ROBO2: variants seen among roughly 807,000 people sequenced by gnomAD.
ROBO2 encodes roundabout guidance receptor 2.
Under a neutral mutation model 160.8 loss-of-function variants are expected in ROBO2, and 53 were observed. That is an observed-to-expected ratio of 0.33 (90% CI 0.26 to 0.41). The LOEUF (loss-of-function observed/expected upper bound fraction) is 0.41. ROBO2 is among the 10% of genes least tolerant of loss of function. The pLI is 1.00. For missense variants in ROBO2, 1,577 were observed against 1,722.4 expected, an observed-to-expected ratio of 0.92 and a Z score of 1.49; for synonymous variants, 664 against 611.7, an observed-to-expected ratio of 1.09 and a Z score of -1.26.
At chr3:77,396,396 A>G (rs1179880724) in intron 2 of ROBO2, among the ~76,000 whole-genome samples, 1 of 152,128 alleles carries the variant, frequency 6.6e-6, no homozygotes, top group Non-Finnish European at 1.5e-5. Context: ...CATTCTAATC[A>G]CCTTGCAATC....
At chr3:76,532,379 C>T (rs2108073594) in intron 2 of ROBO2, among the ~76,000 whole-genome samples, 1 of 152,300 alleles carries the variant, frequency 6.6e-6, no homozygotes, top group South Asian at 2.1e-4. Flanking sequence ...GGAGGTTGCC[C>T]TGGTAATCTG....
chr3:77,120,478 G>A (rs180973477), intron 2 of ROBO2, among the ~76,000 whole-genome samples: 109 of 152,286 alleles, frequency 7.2e-4, no homozygotes, highest in African/African-American at 2.5e-3. Flanking sequence ...TAAGTTAATA[G>A]TTGTAAGTTG....
chr3:77,595,251 A>G (rs2153687658), intron 18 of ROBO2, 67 bp downstream of exon 19: 2 of 1,183,004 alleles, frequency 1.7e-6, no homozygotes, highest in Non-Finnish European at 2.5e-6. Context: ...CTCTATAGTA[A>G]GAGCCTATTA....
At chr3:77,047,537 A>G (rs2064801672) in intron 1 of ROBO2, among the ~76,000 whole-genome samples, 1 of 151,410 alleles carries the variant, frequency 6.6e-6, no homozygotes. Context: ...AAAAATACAA[A>G]AATTGGCTGA....
chr3:76,851,989 TAC>T (rs1029606519), intron 2 of ROBO2, among the ~76,000 whole-genome samples: 2 of 151,962 alleles, frequency 1.3e-5, no homozygotes, highest in African/African-American at 2.4e-5. Flanking sequence ...AAAGAAAAAC[TAC>T]AGAGTAAAAG....
chr3:76,445,823 C>T (rs1347046629), intron 2 of ROBO2, among the ~76,000 whole-genome samples: 3 of 152,092 alleles, frequency 2.0e-5, no homozygotes, highest in African/African-American at 7.2e-5. Flanking sequence ...GAAAAGGCCT[C>T]TGACAAAATT....
At chr3:76,214,857 C>A (rs190501870) in intron 2 of ROBO2, among the ~76,000 whole-genome samples, 16 of 152,318 alleles carry the variant, frequency 1.1e-4, no homozygotes, top group African/African-American at 3.8e-4. Flanking sequence ...AACGGGCAGA[C>A]TGCCTCCTCA....
At chr3:76,871,059 T>G (rs2148676487) in intron 2 of ROBO2, among the ~76,000 whole-genome samples, 1 of 152,338 alleles carries the variant, frequency 6.6e-6, no homozygotes, top group East Asian at 1.9e-4. Context: ...GTTCTTGGAC[T>G]TGAAATTATA....
chr3:77,041,545 A>G (rs563226380), intron 1 of ROBO2, among the ~76,000 whole-genome samples: 6 of 152,308 alleles, frequency 3.9e-5, no homozygotes, highest in African/African-American at 1.2e-4. Flanking sequence ...TGTCAAGCCC[A>G]CAGCATTCTG....
intron 2 of ROBO2, among the ~76,000 whole-genome samples, chr3:77,174,058 G>A (rs568304873): frequency 1.3e-5 from 2 of 152,018 alleles, no homozygotes; most frequent in East Asian, 1.9e-4. Context: ...AATTCTCACC[G>A]TTGCTTTCCT....
At chr3:76,872,499 T>C (rs9847889) in intron 2 of ROBO2, among the ~76,000 whole-genome samples, 4,233 of 152,068 alleles carry the variant, frequency 0.028, 191 homozygotes, top group African/African-American at 0.097. Flanking sequence ...AAGAGATACA[T>C]AAAGTGCTCA....
rs926209209 is a variant in ROBO2, at chr3:77,109,838, G to A, written c.388+11498G>A. Among the ~76,000 whole-genome samples the A allele has an allele frequency of 1.4e-4, 21 of 152,120 alleles. 1 individual carries two copies. The highest frequency in any genetic ancestry group is 4.6e-4 in the African/African-American group (19 of 41,418). ...CATCCTCACTGATTTACTTGAACAA[G>A]CAAACAAAATCATTTGACACTTAAA... On this transcript the variant is annotated intron_variant, in intron 2 of 25. Transcript: ENST00000461745.
chr3:76,008,679 T>C (rs1389407492), intron 2 of ROBO2, among the ~76,000 whole-genome samples: 1 of 152,122 alleles, frequency 6.6e-6, no homozygotes, highest in Admixed American at 6.5e-5. Flanking sequence ...TGAATACCTA[T>C]TGTAAGAAGT....
chr3:77,259,152 C>A (rs1480580734), intron 2 of ROBO2, among the ~76,000 whole-genome samples: 1 of 152,214 alleles, frequency 6.6e-6, no homozygotes, highest in Non-Finnish European at 1.5e-5. Context: ...CAGAAAATTA[C>A]CTTCTGCTAT....
chr3:77,167,476 G>A (rs1042618659), intron 2 of ROBO2, among the ~76,000 whole-genome samples: 2 of 152,090 alleles, frequency 1.3e-5, no homozygotes, highest in Non-Finnish European at 2.9e-5. Flanking sequence ...TTTATCTGTT[G>A]CATCCTTTAT....
At chr3:76,653,059 G>T (rs1364174899) in intron 2 of ROBO2, among the ~76,000 whole-genome samples, 1 of 151,932 alleles carries the variant, frequency 6.6e-6, no homozygotes, top group Non-Finnish European at 1.5e-5. Context: ...TGATTCTAAT[G>T]ACACCATTTT....
chr3:76,397,492 A>T (rs950944091), intron 2 of ROBO2, among the ~76,000 whole-genome samples: 1 of 152,024 alleles, frequency 6.6e-6, no homozygotes, highest in Non-Finnish European at 1.5e-5. Flanking sequence ...ATTAAACTAA[A>T]GAGCTTCTGC....
At position 76,634,131 on chromosome 3, in the gene ROBO2, G is replaced by A. The variant is rs80020589; in HGVS notation, c.110-463883G>A. On this transcript the variant is annotated intron_variant, in intron 2 of 26. Transcript: ENST00000487694. ...TTTTCTCACAGTTCAGCAAGCTAGC[G>A]AGCAAAAAATCAAGGTTGAATTTCT... Among the ~76,000 whole-genome samples the A allele has an allele frequency of 8.7e-3, 1,323 of 152,224 alleles. 15 individuals carry two copies. The highest frequency in any genetic ancestry group is 0.03 in the African/African-American group (1,247 of 41,542).
chr3:76,545,890 T>C (rs2083071109), intron 2 of ROBO2, among the ~76,000 whole-genome samples: 1 of 151,868 alleles, frequency 6.6e-6, no homozygotes, highest in African/African-American at 2.4e-5. Context: ...AAGGCAATAT[T>C]CTATTTATTA....
Sources: allele counts gnomAD v4.1 joint callset (sites outside exome capture counted in the v4.1 genomes callset), GRCh38; gene constraint gnomAD v4.1.1; transcripts MANE v1.5; gene names NCBI Gene and HGNC (gene_info 2026-07-23, HGNC 2026-07-21).